Variants in ZNF493 observed in about 807,000 individuals in gnomAD.
The protein encoded by ZNF493 is zinc finger protein 493.
A neutral mutation model predicts 12.2 loss-of-function variants in ZNF493; 11 were observed. The ratio of observed to expected loss-of-function variants is 0.90; its 90% CI spans 0.57 to 1.50. The LOEUF is 1.50. Among genes scored for constraint, ZNF493 ranks in the 40% most tolerant of loss-of-function variants. The pLI is 0.00. For missense variants in ZNF493, 950 were observed against 906.6 expected, an observed-to-expected ratio of 1.05 and a Z score of -0.61; for synonymous variants, 286 against 302.6, an observed-to-expected ratio of 0.95 and a Z score of 0.57.
rs528136369 is a variant in ZNF493, at chr19:21,426,059, G to A, written c.*1075G>A. ...TGGCAAAGGCTTTAACTAGTCCTCAGTTCTTAACACACATACGATAATTCT... is the reference window on the plus strand; with the variant it reads ...TGGCAAAGGCTTTAACTAGTCCTCAATTCTTAACACACATACGATAATTCT... On this transcript the variant is annotated 3_prime_UTR_variant, in exon 4 of 4. Transcript: ENST00000392288. 85 of 398,312 alleles carry A rather than the reference G, an allele frequency of 2.1e-4. No homozygotes were observed. The highest frequency in any genetic ancestry group is 1.6e-3 in the African/African-American group (77 of 47,746). 24.7% of individuals were successfully genotyped at this position (398,312 alleles called of 1,614,324 possible). A position where few individuals can be genotyped will look rare whatever the true frequency, so the allele number is the denominator to read the frequency against.
At chr19:21,420,770 G>C (rs1405784091) in intron 3 of ZNF493, among the ~76,000 whole-genome samples, 1 of 52,236 alleles carries the variant, frequency 1.9e-5, no homozygotes, top group Non-Finnish European at 4.1e-5. Flanking sequence ...TTTTTTTTTT[G>C]AGACGAAGTT....
intron 3 of ZNF493, among the ~76,000 whole-genome samples, chr19:21,409,881 C>G: frequency 6.6e-6 from 1 of 151,426 alleles, no homozygotes. Context: ...TCTTCCCAGC[C>G]CTTGGCAAAC....
chr19:21,419,889 C>T (rs909206133), intron 3 of ZNF493, among the ~76,000 whole-genome samples: 4 of 152,180 alleles, frequency 2.6e-5, no homozygotes, highest in African/African-American at 9.7e-5. Flanking sequence ...TAAAAATGTT[C>T]TGAGAACTTA....
chr19:21,417,324 C>G (rs896756299), intron 3 of ZNF493, among the ~76,000 whole-genome samples: 1 of 152,092 alleles, frequency 6.6e-6, no homozygotes, highest in African/African-American at 2.4e-5. Flanking sequence ...TCAGTCTTGT[C>G]GTTGCCTGTG....
intron 3 of ZNF493, chr19:21,411,995 T>C (rs2145286226): frequency 6.6e-6 from 1 of 152,154 alleles, no homozygotes; most frequent in African/African-American, 2.4e-5. Flanking sequence ...TTCTATGTAT[T>C]TGTACATTTT....
At chr19:21,399,351 A>C (rs1344529749) in intron 1 of ZNF493, among the ~76,000 whole-genome samples, 1 of 151,094 alleles carries the variant, frequency 6.6e-6, no homozygotes, top group Non-Finnish European at 1.5e-5. Context: ...TAGTAGAGAC[A>C]GGGTTCCACT....
intron 1 of ZNF493, among the ~76,000 whole-genome samples, chr19:21,399,195 C>G (rs62110380): frequency 6.6e-6 from 1 of 151,988 alleles, no homozygotes; most frequent in Non-Finnish European, 1.5e-5. Context: ...TTGTCTCACT[C>G]TGTCGCCCAG....
At chr19:21,422,877 G>T in intron 3 of ZNF493, 36 bp from the exon 4 acceptor site, 1 of 1,499,790 alleles carries the variant, frequency 6.7e-7, no homozygotes, top group South Asian at 1.4e-5. Context: ...TCTGAGTCTA[G>T]TAAGTGGAGT....
chr19:21,423,778 A>T lies in ZNF493; in HGVS notation c.1119A>T (p.Gly373=), dbSNP rs747694544. The T allele has an allele frequency of 3.1e-6, 5 of 1,613,314 alleles. No homozygotes were observed. Among genetic ancestry groups the T allele is most frequent in the Non-Finnish European group, 3.4e-6 (4 of 1,179,432 alleles). The change falls in exon 4 of 4, where the codon GGA becomes GGT. Residue 373 remains glycine, a synonymous_variant. Transcript: ENST00000392288. ...CTACACATAAAAGAATTCATACTGGAGAGAAACCCTACAAATGTGAAGAAT... is the reference window on the plus strand; with the variant it reads ...CTACACATAAAAGAATTCATACTGGTGAGAAACCCTACAAATGTGAAGAAT... ...HLTTHKRIHT[G]EKPYKCEECG...
chr19:21,417,395 C>T (rs1314726153), intron 3 of ZNF493, among the ~76,000 whole-genome samples: 1 of 152,134 alleles, frequency 6.6e-6, no homozygotes, highest in Non-Finnish European at 1.5e-5. Context: ...ATATAATCAA[C>T]TAAATGTGCT....
chr19:21,398,033 A>G (rs545323757), intron 1 of ZNF493: 2 of 152,246 alleles, frequency 1.3e-5, no homozygotes, highest in Admixed American at 1.3e-4. Context: ...ATTGCCTGCC[A>G]CTTAATTATT....
At chr19:21,400,227 T>C (rs1013023113) in intron 1 of ZNF493, among the ~76,000 whole-genome samples, 3 of 152,092 alleles carry the variant, frequency 2.0e-5, no homozygotes, top group Non-Finnish European at 4.4e-5. Flanking sequence ...CTGACCAACA[T>C]GGTGAAACCC....
At position 21,397,221 on chromosome 19, in the gene ZNF493, G is replaced by T. The variant is rs773996131; in HGVS notation, c.-17G>T. The T allele has an allele frequency of 2.2e-5, 35 of 1,614,094 alleles. 1 individual carries two copies. In the South Asian group the frequency reaches 3.8e-4, roughly 18 times the overall value. ...GTGGCTTCGTGACCTGAAGATACTG[G>T]GAAATCCATAGCTAAGATGCCAGGA... On this transcript the variant is annotated 5_prime_UTR_variant, in exon 1 of 4. Transcript: ENST00000392288.
At position 21,424,047 on chromosome 19, in the gene ZNF493, G is replaced by T; in HGVS notation, c.1388G>T (p.Cys463Phe). The T allele has an allele frequency of 6.2e-7, 1 of 1,613,582 alleles. No individual in the cohort carries two copies. Among genetic ancestry groups the T allele is most frequent in the Non-Finnish European group, 8.5e-7 (1 of 1,179,794 alleles). The change falls in exon 4 of 4, where the codon TGT becomes TTT. Residue 463 changes from cysteine (C) to phenylalanine (F), a missense_variant. By Grantham distance (205) the Cys-to-Phe change is radical (BLOSUM62 -2). Transcript: ENST00000392288. ...IIHTEEKPYK[C>F]EECGKAFKRS... ...CATACAGAAGAGAAACCCTACAAAT[G>T]TGAAGAATGTGGCAAAGCTTTTAAA...
rs1031125072 is a variant in ZNF493, at chr19:21,423,137, G to A, written c.478G>A (p.Val160Met). 1.2e-6 allele frequency: 2 copies of A among 1,613,482 alleles called. No homozygotes were observed. Among genetic ancestry groups the A allele is most frequent in the Non-Finnish European group, 1.7e-6 (2 of 1,179,692 alleles). Reference protein sequence around the residue: ...QSKIFQCDKYVKVFHKLLNSN... With the variant: ...QSKIFQCDKYMKVFHKLLNSN... ...CAAAATATTTCAATGTGATAAATAT[G>A]TGAAAGTCTTTCATAAACTTTTAAA... The change falls in exon 4 of 4, where the codon GTG becomes ATG. Residue 160 changes from valine (V) to methionine (M), a missense_variant. Val to Met is a conservative substitution (Grantham distance 21). Transcript: ENST00000392288.
chr19:21,416,798 T>C (rs2030508566), intron 3 of ZNF493, among the ~76,000 whole-genome samples: 2 of 152,172 alleles, frequency 1.3e-5, no homozygotes, highest in African/African-American at 4.8e-5. Context: ...ACAATTTGAA[T>C]TTCCCCATTG....
chr19:21,427,379 G>C lies in ZNF493; in HGVS notation c.*2395G>C, dbSNP rs542009162. ...ATGTATACATGTGCCATGCTGGTGC[G>C]CTGCACCCACTAACTCGTCATCTAG... is the stretch of plus-strand genomic sequence containing the variant. On this transcript the variant is annotated 3_prime_UTR_variant, in exon 4 of 4. Coordinates refer to ENST00000392288, the MANE Select transcript of ZNF493 (RefSeq NM_001076678.3). The C allele has an allele frequency of 4.7e-4, 73 of 154,420 alleles. No homozygotes were observed. Among genetic ancestry groups the C allele is most frequent in the African/African-American group, 1.7e-3 (69 of 41,548 alleles). 9.6% of individuals were successfully genotyped at this position (154,420 alleles called of 1,614,324 possible). A position where few individuals can be genotyped will look rare whatever the true frequency, so the allele number is the denominator to read the frequency against.
In ZNF493 at chr19:21,425,338, C is replaced by A; in HGVS notation, c.*354C>A. 1 of 420,044 alleles carries A rather than the reference C, an allele frequency of 2.4e-6. No homozygotes were observed. The highest frequency in any genetic ancestry group is 5.0e-5 in the East Asian group (1 of 20,102). The allele number at this position is 420,044 out of a possible 1,614,324, so 26.0% of individuals were successfully genotyped here. ...CTGCCTACACGTAAGATAATTCATACTGGAAGGAAACCCTACAAATATGAG... is the reference window on the plus strand; with the variant it reads ...CTGCCTACACGTAAGATAATTCATAATGGAAGGAAACCCTACAAATATGAG... On this transcript the variant is annotated 3_prime_UTR_variant, in exon 4 of 4. Transcript: ENST00000392288.
chr19:21,416,716 A>C (rs2030505629), intron 3 of ZNF493, among the ~76,000 whole-genome samples: 1 of 152,038 alleles, frequency 6.6e-6, no homozygotes. Flanking sequence ...TCCCATTCCC[A>C]CTTATGGCAC....
Sources: allele counts gnomAD v4.1 joint callset (sites outside exome capture counted in the v4.1 genomes callset), GRCh38; gene constraint gnomAD v4.1.1; transcripts MANE v1.5; gene names NCBI Gene and HGNC (gene_info 2026-07-23, HGNC 2026-07-21).